The following CD28 variants were observed in gnomAD, a reference collection of about 807,000 sequenced individuals.
CD28 encodes the protein T-cell-specific surface glycoprotein CD28.
A neutral mutation model predicts 21.4 loss-of-function variants in CD28; 8 were observed. The ratio of observed to expected loss-of-function variants is 0.37; its 90% CI spans 0.22 to 0.68. CD28 has a LOEUF of 0.68. Among genes scored for constraint, CD28 ranks in the 30% least tolerant of loss-of-function variants. The pLI is 0.55. For synonymous variants in CD28, 106 were observed against 104.0 expected, an observed-to-expected ratio of 1.02 and a Z score of -0.12; for missense variants, 239 against 272.2, an observed-to-expected ratio of 0.88 and a Z score of 0.86.
chr2:203,718,903 A>G (rs1693535438), intron 1 of CD28, among the ~76,000 whole-genome samples: 1 of 152,214 alleles, frequency 6.6e-6, no homozygotes, highest in South Asian at 2.1e-4. Context: ...GGAAGATCTC[A>G]ATGGTATAAT....
At chr2:203,729,803 T>C (rs760078185) in intron 3 of CD28, 31 bp downstream of exon 3, 1 of 1,605,678 alleles carries the variant, frequency 6.2e-7, no homozygotes, top group South Asian at 1.1e-5. Flanking sequence ...TTTATGTAAC[T>C]TTTCCACTGC....
In CD28 at chr2:203,735,408, A is replaced by G. The variant is rs200664845; in HGVS notation, c.*496A>G. 1 of 156,792 alleles carries G rather than the reference A, an allele frequency of 6.4e-6. No homozygotes were observed. Among genetic ancestry groups the G allele is most frequent in the Non-Finnish European group, 1.4e-5 (1 of 70,888 alleles). The allele number at this position is 156,792 out of a possible 1,614,324, so 9.7% of individuals were successfully genotyped here. On this transcript the variant is annotated 3_prime_UTR_variant, in exon 4 of 4. Transcript: ENST00000324106. ...GGATAGGAAGACATATTTAAAAACC[A>G]TTAAAACACTGTCTCCCACTCATGA...
rs1559555209 is a variant in CD28 at position 203,726,620 on chromosome 2, T to TA, written c.53-13_53-12insA. The TA allele has an allele frequency of 6.3e-7, 1 of 1,583,878 alleles. No individual in the cohort carries two copies. The highest frequency in any genetic ancestry group is 1.4e-5 in the African/African-American group (1 of 73,766). ...TATTCTTGTTCTAAGCAAATGATTT[T>TA]TTTTTCCCCCAGGAAACAAGATTTT... On this transcript the variant is annotated splice_polypyrimidine_tract_variant and intron_variant, in intron 1 of 3. Coordinates refer to ENST00000324106, the MANE Select transcript of CD28 (RefSeq NM_006139.4).
chr2:203,706,957 A>C (rs938821114), intron 1 of CD28, among the ~76,000 whole-genome samples: 2 of 152,062 alleles, frequency 1.3e-5, no homozygotes, highest in African/African-American at 4.8e-5. Flanking sequence ...AAATTTTCTA[A>C]GCTATTAGTT....
intron 1 of CD28, among the ~76,000 whole-genome samples, chr2:203,712,738 G>C (rs753167754): frequency 6.6e-6 from 1 of 152,214 alleles, no homozygotes; most frequent in Non-Finnish European, 1.5e-5. Context: ...ATGTAGAAAG[G>C]TAAGCCTTTA....
chr2:203,728,486 A>G (rs367761367), intron 2 of CD28, among the ~76,000 whole-genome samples: 3 of 152,248 alleles, frequency 2.0e-5, no homozygotes, highest in South Asian at 4.1e-4. Context: ...GCATAATGCC[A>G]ATGAATGGTT....
At chr2:203,724,484 G>C (rs1693686596) in intron 1 of CD28, among the ~76,000 whole-genome samples, 1 of 152,198 alleles carries the variant, frequency 6.6e-6, no homozygotes, top group Non-Finnish European at 1.5e-5. Context: ...ATTTCCGGAA[G>C]TGGGAGGACT....
Position 203,735,758 on chromosome 2 carries a change from G to C in CD28, c.*846G>C, listed in dbSNP as rs983974904. Reference sequence around the variant, plus strand: ...GGACCTGGCGCAGTGGCTCATGCTTGTAATCCCAGCACTTTGGGAGGCCGA... The same window carrying C: ...GGACCTGGCGCAGTGGCTCATGCTTCTAATCCCAGCACTTTGGGAGGCCGA... On this transcript the variant is annotated 3_prime_UTR_variant, in exon 4 of 4. Coordinates refer to ENST00000324106, the MANE Select transcript of CD28 (RefSeq NM_006139.4). 2 of 152,250 alleles carry C rather than the reference G, an allele frequency of 1.3e-5. No homozygotes were observed. Among genetic ancestry groups the C allele is most frequent in the Admixed American group, 6.5e-5 (1 of 15,278 alleles). The allele number at this position is 152,250 out of a possible 1,614,324, so 9.4% of individuals were successfully genotyped here.
rs141027316 is a variant in CD28 at position 203,706,718 on chromosome 2, C to T, written c.22C>T (p.Leu8Phe). The T allele has an allele frequency of 9.9e-5, 159 of 1,613,970 alleles. No individual in the cohort carries two copies. The African/African-American group carries it at 1.7e-3, about 17-fold the overall frequency. Reference sequence around the variant, plus strand: ...AAAGATGCTCAGGCTGCTCTTGGCTCTCAACTTATTCCCTTCAATTCAAGT... The same window carrying T: ...AAAGATGCTCAGGCTGCTCTTGGCTTTCAACTTATTCCCTTCAATTCAAGT... MLRLLLALNLFPSIQVTG... is the reference protein window; with the variant it reads MLRLLLAFNLFPSIQVTG... The change falls in exon 1 of 4, where the codon CTC (leucine) becomes TTC (phenylalanine). Residue 8 changes from leucine to phenylalanine, a missense_variant. This residue lies in a region of CD28 where 104 missense variants were observed against 108.5 expected (regional missense o/e 0.96). Coordinates refer to ENST00000324106, the MANE Select transcript of CD28 (RefSeq NM_006139.4).
intron 1 of CD28, among the ~76,000 whole-genome samples, chr2:203,713,954 G>A (rs901888771): frequency 2.6e-5 from 4 of 151,302 alleles, no homozygotes; most frequent in African/African-American, 9.7e-5. Context: ...AGGAAAGAAA[G>A]GAGGAGGAGG....
chr2:203,707,560 G>A (rs904165328), intron 1 of CD28, among the ~76,000 whole-genome samples: 7 of 152,166 alleles, frequency 4.6e-5, no homozygotes, highest in Admixed American at 2.6e-4. Flanking sequence ...CGGCCAAAAT[G>A]TATTTTCTTA....
At chr2:203,721,017 T>G (rs185082544) in intron 1 of CD28, among the ~76,000 whole-genome samples, 3 of 152,310 alleles carry the variant, frequency 2.0e-5, no homozygotes, top group African/African-American at 7.2e-5. Context: ...TGGGACCAAA[T>G]GCTATGAGGA....
chr2:203,717,328 G>T (rs1269153134), intron 1 of CD28, among the ~76,000 whole-genome samples: 3 of 152,184 alleles, frequency 2.0e-5, no homozygotes, highest in African/African-American at 7.2e-5. Context: ...AAAGCTGGTT[G>T]CTTGGTCTGC....
Position 203,731,095 on chromosome 2 carries a change from G to A in CD28, c.534+1323G>A, listed in dbSNP as rs560967306. Among the ~76,000 whole-genome samples the A allele has an allele frequency of 1.8e-4, 27 of 152,224 alleles. No homozygotes were observed. In the South Asian group the frequency reaches 2.7e-3, roughly 15 times the overall value. ...GCCTGTTGCTTACTCTGTACTTGCC[G>A]CAGGGTAGGAAACAAAGTGGTTGCT... On this transcript the variant is annotated intron_variant, in intron 3 of 3. Transcript: ENST00000324106.
chr2:203,714,913 C>T (rs539758862), intron 1 of CD28, among the ~76,000 whole-genome samples: 6 of 152,270 alleles, frequency 3.9e-5, no homozygotes, highest in African/African-American at 1.4e-4. Context: ...CTCCTGTTTT[C>T]CTATGCAATG....
chr2:203,711,398 A>G (rs970623398), intron 1 of CD28, among the ~76,000 whole-genome samples: 2 of 152,208 alleles, frequency 1.3e-5, no homozygotes, highest in Non-Finnish European at 2.9e-5. Context: ...TTTCAAAGGC[A>G]TGTTTATTTA....
In CD28 at chr2:203,734,875, A is replaced by T; in HGVS notation, c.626A>T (p.Tyr209Phe). 6.2e-7 allele frequency: 1 copy of T among 1,614,170 alleles called. No individual in the cohort carries two copies. Among genetic ancestry groups the T allele is most frequent in the Non-Finnish European group, 8.5e-7 (1 of 1,180,030 alleles). ...PGPTRKHYQP[Y>F]APPRDFAAYR... ...CCCACCCGCAAGCATTACCAGCCCT[A>T]TGCCCCACCACGCGACTTCGCAGCC... The change falls in exon 4 of 4, where the codon TAT becomes TTT. Residue 209 changes from tyrosine (Y) to phenylalanine (F), a missense_variant. By Grantham distance (22) the Tyr-to-Phe change is conservative. This residue lies in a region of CD28 where 112 missense variants were observed against 112.8 expected (regional missense o/e 0.99). Coordinates refer to ENST00000324106, the MANE Select transcript of CD28 (RefSeq NM_006139.4).
chr2:203,733,821 C>T (rs527535839), intron 3 of CD28, among the ~76,000 whole-genome samples: 3 of 152,266 alleles, frequency 2.0e-5, no homozygotes, highest in South Asian at 4.1e-4. Flanking sequence ...TGGAAGTCAG[C>T]GTTTTTCAAA....
intron 1 of CD28, among the ~76,000 whole-genome samples, chr2:203,717,347 A>T (rs761538020): frequency 3.0e-4 from 46 of 152,148 alleles, no homozygotes; most frequent in Non-Finnish European, 6.5e-4. Context: ...GCTTCTCTTG[A>T]TGGAAGTCAT....
Sources: allele counts gnomAD v4.1 joint callset (sites outside exome capture counted in the v4.1 genomes callset), GRCh38; gene constraint gnomAD v4.1.1; regional missense constraint gnomAD v4.1.1; transcripts MANE v1.5; gene names NCBI Gene and HGNC (gene_info 2026-07-23, HGNC 2026-07-21).